Variants in DIAPH2 observed in about 807,000 individuals in gnomAD.
DIAPH2 encodes the protein protein diaphanous homolog 2.
In DIAPH2, 35 loss-of-function variants were observed where a neutral mutation model predicts 92.7. The ratio of observed to expected loss-of-function variants is 0.38; its 90% CI spans 0.29 to 0.50. The LOEUF (loss-of-function observed/expected upper bound fraction) is 0.50. Ranked by LOEUF, DIAPH2 falls within the 20% of genes least tolerant of loss-of-function variation. The pLI, the probability that DIAPH2 is intolerant of heterozygous loss-of-function variation, is 0.94. For missense variants in DIAPH2, 701 were observed against 819.5 expected (o/e 0.86, Z 1.77); for synonymous variants, 301 against 280.4 (o/e 1.07, Z -0.73).
intron 23 of DIAPH2, among the ~76,000 whole-genome samples, chrX:97,260,598 T>C (rs1304291052): frequency 1.8e-5 from 2 of 112,392 alleles, no homozygotes; most frequent in Non-Finnish European, 3.8e-5. Context: ...GTTTTAAAGT[T>C]GGAGTTAGAA....
chrX:96,749,303 AGTTT>A (rs1408570449), intron 3 of DIAPH2, among the ~76,000 whole-genome samples: 1 of 110,243 alleles, frequency 9.1e-6, no homozygotes, highest in Non-Finnish European at 1.9e-5. Flanking sequence ...ATTTAAAATT[AGTTT>A]ATTTCTTAAT....
Position 96,765,456 on chromosome X carries a change from C to G in DIAPH2, c.447+7198C>G, listed in dbSNP as rs146909572. Among the ~76,000 whole-genome samples the G allele has an allele frequency of 1.5e-3, 163 of 111,070 alleles. 1 individual carries two copies. Among genetic ancestry groups the G allele is most frequent in the African/African-American group, 5.2e-3 (159 of 30,528 alleles). On this transcript the variant is annotated intron_variant, in intron 4 of 26. Coordinates refer to ENST00000324765, the MANE Select transcript of DIAPH2 (RefSeq NM_006729.5). ...TCAAGCGATCCGCCTGCCCTGGCCT[C>G]TTAAAGTGCTGAGATTACAGGCGTG...
chrX:97,343,211 T>C (rs1417495765), intron 23 of DIAPH2, among the ~76,000 whole-genome samples: 9 of 111,842 alleles, frequency 8.0e-5, no homozygotes, highest in Non-Finnish European at 1.5e-4. Context: ...CAGTTGATTA[T>C]GAAAGTGTGT....
chrX:96,906,448 G>A (rs948489837), intron 5 of DIAPH2, among the ~76,000 whole-genome samples: 12 of 112,199 alleles, frequency 1.1e-4, no homozygotes, highest in East Asian at 2.8e-4. Context: ...ACAACATTCA[G>A]ATTTTTGGTT....
chrX:96,888,604 T>TA (rs2065284684), intron 5 of DIAPH2, among the ~76,000 whole-genome samples: 9 of 82,577 alleles, frequency 1.1e-4, no homozygotes, highest in Admixed American at 4.4e-4. Context: ...GATATATATA[T>TA]CTATATATAT....
chrX:96,979,590 C>G (rs1044003350), intron 17 of DIAPH2, among the ~76,000 whole-genome samples: 1 of 112,230 alleles, frequency 8.9e-6, no homozygotes, highest in Middle Eastern at 4.6e-3. Context: ...TTACTATCGT[C>G]TTGACTCATT....
At chrX:97,328,177 G>A (rs1283044805) in intron 23 of DIAPH2, among the ~76,000 whole-genome samples, 1 of 111,653 alleles carries the variant, frequency 9.0e-6, no homozygotes, top group Non-Finnish European at 1.9e-5. Flanking sequence ...TCTCATGCCT[G>A]TAATCCCAGC....
chrX:97,386,655 G>A (rs1234457299), intron 25 of DIAPH2, among the ~76,000 whole-genome samples: 1 of 109,192 alleles, frequency 9.2e-6, no homozygotes, highest in Non-Finnish European at 1.9e-5. Flanking sequence ...GTGACAGAGT[G>A]AGACTCTGTC....
At chrX:96,983,177 A>G (rs754383310) in intron 17 of DIAPH2, among the ~76,000 whole-genome samples, 19 of 111,402 alleles carry the variant, frequency 1.7e-4, no homozygotes, top group African/African-American at 5.9e-4. Flanking sequence ...GTAGAGCATA[A>G]TACTGTTTTG....
intron 4 of DIAPH2, among the ~76,000 whole-genome samples, chrX:96,814,928 G>T (rs1031702024): frequency 9.0e-6 from 1 of 111,375 alleles, no homozygotes; most frequent in African/African-American, 3.3e-5. Context: ...TCACCCGCCT[G>T]TATTAGGTGT....
intron 24 of DIAPH2, among the ~76,000 whole-genome samples, chrX:97,361,418 T>A (rs2069324325): frequency 8.9e-6 from 1 of 112,107 alleles, no homozygotes; most frequent in African/African-American, 3.2e-5. Context: ...GCTCAAGTTT[T>A]TCTGTAAGTA....
chrX:96,737,877 A>G (rs2064096744), intron 2 of DIAPH2, among the ~76,000 whole-genome samples: 1 of 111,880 alleles, frequency 8.9e-6, no homozygotes, highest in Admixed American at 9.5e-5. Context: ...TGCTGGGGGA[A>G]AATAATAATA....
At chrX:97,036,292 G>A (rs2066410332) in intron 17 of DIAPH2, among the ~76,000 whole-genome samples, 2 of 111,448 alleles carry the variant, frequency 1.8e-5, no homozygotes, top group South Asian at 7.4e-4. Context: ...TTATTATTTC[G>A]TATCTGACTT....
intron 4 of DIAPH2, among the ~76,000 whole-genome samples, chrX:96,795,669 A>T (rs968723157): frequency 8.9e-6 from 1 of 111,879 alleles, no homozygotes; most frequent in African/African-American, 3.3e-5. Flanking sequence ...TTATTAAATG[A>T]TCATTACATA....
intron 17 of DIAPH2, among the ~76,000 whole-genome samples, chrX:97,040,795 A>G (rs981787746): frequency 9.1e-6 from 1 of 110,469 alleles, no homozygotes; most frequent in East Asian, 2.8e-4. Flanking sequence ...AAAATGTGCT[A>G]TTCATTTTTT....
At chrX:97,400,634 C>A (rs2069747054) in intron 25 of DIAPH2, among the ~76,000 whole-genome samples, 2 of 110,747 alleles carry the variant, frequency 1.8e-5, no homozygotes, top group South Asian at 7.8e-4. Context: ...ACTTATTCAT[C>A]CTGTCTAACT....
intron 20 of DIAPH2, among the ~76,000 whole-genome samples, chrX:97,110,991 C>A (rs865833536): frequency 0.041 from 3,608 of 87,604 alleles, 210 homozygotes; most frequent in African/African-American, 0.15. Context: ...TCAAAAAAAA[C>A]AAACAAAAAA....
At chrX:97,501,004 TGTTGTAGTCC>T (rs1453072689) in intron 26 of DIAPH2, among the ~76,000 whole-genome samples, 3 of 108,865 alleles carry the variant, frequency 2.8e-5, no homozygotes, top group African/African-American at 1.0e-4. Context: ...ATATGGGAGA[TGTTGTAGTCC>T]GTTGTTGTCT....
intron 26 of DIAPH2, among the ~76,000 whole-genome samples, chrX:97,493,407 A>G (rs983658796): frequency 9.1e-6 from 1 of 110,231 alleles, no homozygotes; most frequent in Non-Finnish European, 1.9e-5. Context: ...GATTACAGGC[A>G]TGCGCCACCA....
Sources: gnomAD v4.1 joint callset for allele counts (sites outside exome capture counted in the v4.1 genomes callset) on GRCh38, gnomAD v4.1.1 for gene constraint, MANE v1.5 for transcripts, NCBI Gene and HGNC (gene_info 2026-07-23, HGNC 2026-07-21) for gene names.